The following ERBB4 variants were observed in gnomAD, a reference collection of about 807,000 sequenced individuals.
ERBB4 encodes receptor tyrosine-protein kinase erbB-4.
Under a neutral mutation model 158.0 loss-of-function variants are expected in ERBB4, and 42 were observed. That is an observed-to-expected ratio of 0.27 (90% CI 0.21 to 0.34). The LOEUF is 0.34. Ranked by LOEUF, ERBB4 falls within the 10% of genes least tolerant of loss-of-function variation. The pLI is 1.00. For synonymous variants in ERBB4, 583 were observed against 558.7 expected (o/e 1.04, Z -0.61); for missense variants, 1,333 against 1,624.1 (o/e 0.82, Z 3.08).
At chr2:211,851,802 A>G (rs1379125761) in intron 3 of ERBB4, among the ~76,000 whole-genome samples, 1 of 151,964 alleles carries the variant, frequency 6.6e-6, no homozygotes, top group Non-Finnish European at 1.5e-5. Context: ...TTCAAGACAA[A>G]TTTCTTGAGA....
At chr2:211,657,007 A>G (rs2105897982) in intron 16 of ERBB4, among the ~76,000 whole-genome samples, 1 of 152,286 alleles carries the variant, frequency 6.6e-6, no homozygotes, top group South Asian at 2.1e-4. Flanking sequence ...AATATTTTCT[A>G]TATTGCCTTT....
chr2:211,968,108 T>C (rs1289253477), intron 2 of ERBB4, among the ~76,000 whole-genome samples: 4 of 152,048 alleles, frequency 2.6e-5, no homozygotes, highest in Non-Finnish European at 4.4e-5. Flanking sequence ...AATAAACTTT[T>C]CAAACTACTT....
At chr2:212,248,317 C>T (rs750683895) in intron 1 of ERBB4, among the ~76,000 whole-genome samples, 6 of 152,088 alleles carry the variant, frequency 3.9e-5, no homozygotes, top group Non-Finnish European at 8.8e-5. Flanking sequence ...TTTATATGCA[C>T]CTAATATGCC....
intron 3 of ERBB4, among the ~76,000 whole-genome samples, chr2:211,822,766 G>C (rs16846873): frequency 3.3e-5 from 5 of 151,764 alleles, no homozygotes; most frequent in Non-Finnish European, 5.9e-5. Context: ...GTGGTAAATC[G>C]AATCATTAGC....
intron 1 of ERBB4, among the ~76,000 whole-genome samples, chr2:212,330,670 G>T (rs911319156): frequency 1.3e-4 from 19 of 151,706 alleles, no homozygotes; most frequent in African/African-American, 4.6e-4. Context: ...CAGTAGGTGG[G>T]GGCATATGGA....
chr2:211,685,716 T>G (rs1261218050), intron 12 of ERBB4, among the ~76,000 whole-genome samples: 1 of 152,186 alleles, frequency 6.6e-6, no homozygotes, highest in Non-Finnish European at 1.5e-5. Flanking sequence ...TAGGGAGAAT[T>G]GACATCTTTA....
In ERBB4 at chr2:211,790,710, C is replaced by A. The variant is rs536287721; in HGVS notation, c.422-2551G>T. Among the ~76,000 whole-genome samples, 19 of 152,140 alleles carry A rather than the reference C, an allele frequency of 1.2e-4. 1 individual carries two copies. The South Asian group carries it at 3.5e-3, about 28-fold the overall frequency. On this transcript the variant is annotated intron_variant, in intron 3 of 27. Transcript: ENST00000342788. ...TTCCTAATTCAAAACTCAGCATCTG[C>A]TAGCAATTCTGGTCAGGAGGATTTA...
intron 1 of ERBB4, among the ~76,000 whole-genome samples, chr2:212,438,256 T>C (rs868713426): frequency 3.3e-5 from 5 of 152,126 alleles, no homozygotes; most frequent in Non-Finnish European, 5.9e-5. Flanking sequence ...CTAGCTTTAA[T>C]TATTGCTTAC....
chr2:212,030,875 G>T (rs1258750260), intron 2 of ERBB4, among the ~76,000 whole-genome samples: 1 of 152,024 alleles, frequency 6.6e-6, no homozygotes, highest in African/African-American at 2.4e-5. Context: ...AGCCGTCATG[G>T]TATTGTAAAT....
chr2:211,467,124 G>C (rs1283827082), intron 20 of ERBB4, among the ~76,000 whole-genome samples: 3 of 152,078 alleles, frequency 2.0e-5, no homozygotes, highest in Non-Finnish European at 4.4e-5. Context: ...TTTACTTTGT[G>C]TTATGCAGTG....
chr2:211,403,099 T>A (rs2063079263), intron 25 of ERBB4, among the ~76,000 whole-genome samples: 1 of 152,040 alleles, frequency 6.6e-6, no homozygotes, highest in African/African-American at 2.4e-5. Context: ...AGGCTCCACC[T>A]CTACTCTCAA....
At chr2:211,524,279 A>G (rs966485861) in intron 20 of ERBB4, among the ~76,000 whole-genome samples, 2 of 152,140 alleles carry the variant, frequency 1.3e-5, no homozygotes, top group Middle Eastern at 3.2e-3. Context: ...AAGGTTCTCC[A>G]CCTCTCCACC....
intron 1 of ERBB4, among the ~76,000 whole-genome samples, chr2:212,502,229 G>T (rs989417148): frequency 1.3e-5 from 2 of 151,930 alleles, no homozygotes; most frequent in African/African-American, 4.8e-5. Context: ...AACTGCTCTG[G>T]TGTTGAAGTA....
intron 1 of ERBB4, among the ~76,000 whole-genome samples, chr2:212,150,868 T>C (rs1243325327): frequency 6.6e-6 from 1 of 152,188 alleles, no homozygotes; most frequent in Non-Finnish European, 1.5e-5. Context: ...CACTAAACTC[T>C]GTTCATGCAT....
chr2:212,016,529 T>C (rs1398677607), intron 2 of ERBB4, among the ~76,000 whole-genome samples: 2 of 152,200 alleles, frequency 1.3e-5, no homozygotes, highest in Non-Finnish European at 2.9e-5. Context: ...AAATCTAGTA[T>C]GAAATATTAG....
chr2:211,718,176 T>C (rs13414505), intron 7 of ERBB4, among the ~76,000 whole-genome samples: 44,837 of 152,032 alleles, frequency 0.29, 8,011 homozygotes, highest in Non-Finnish European at 0.4. Context: ...CCTTCCAAAG[T>C]GTTGGGATTA....
At chr2:212,009,811 AC>A (rs2125302932) in intron 2 of ERBB4, among the ~76,000 whole-genome samples, 1 of 152,080 alleles carries the variant, frequency 6.6e-6, no homozygotes, top group African/African-American at 2.4e-5. Context: ...CTCTTTGACA[AC>A]CTGTTGCTTC....
intron 19 of ERBB4, among the ~76,000 whole-genome samples, chr2:211,611,505 C>T (rs1331448258): frequency 6.6e-6 from 1 of 150,896 alleles, no homozygotes; most frequent in Non-Finnish European, 1.5e-5. Context: ...CCAGCTGTAA[C>T]ACTTGCTGCT....
chr2:211,829,276 TAC>T (rs560888934), intron 3 of ERBB4, among the ~76,000 whole-genome samples: 2 of 152,034 alleles, frequency 1.3e-5, no homozygotes, highest in East Asian at 1.9e-4. Context: ...ATATATAACA[TAC>T]ACACACACAC....
Sources: gnomAD v4.1 joint callset for allele counts (sites outside exome capture counted in the v4.1 genomes callset) on GRCh38, gnomAD v4.1.1 for gene constraint, MANE v1.5 for transcripts, NCBI Gene and HGNC (gene_info 2026-07-23, HGNC 2026-07-21) for gene names.